PARD3B: variants seen among roughly 807,000 people sequenced by gnomAD.
The protein encoded by PARD3B is par-3 family cell polarity regulator beta, also known as partitioning defective 3 homolog B.
A neutral mutation model predicts 130.2 loss-of-function variants in PARD3B; 103 were observed. The observed-to-expected ratio is 0.79, with a 90% CI of 0.67 to 0.93. The LOEUF is 0.93. Ranked by LOEUF, PARD3B falls within the 40% of genes least tolerant of loss-of-function variation. PARD3B has a pLI of 0.00. For synonymous variants in PARD3B, 583 were observed against 553.2 expected (o/e 1.05, Z -0.76); for missense variants, 1,609 against 1,499.2 (o/e 1.07, Z -1.21).
At chr2:205,177,964 T>G (rs1218367481) in intron 13 of PARD3B, among the ~76,000 whole-genome samples, 1 of 151,630 alleles carries the variant, frequency 6.6e-6, no homozygotes, top group Non-Finnish European at 1.5e-5. Flanking sequence ...CTTATATTGG[T>G]CTATTGAAAC....
intron 18 of PARD3B, among the ~76,000 whole-genome samples, chr2:205,369,882 A>G (rs550501997): frequency 4.7e-4 from 71 of 152,174 alleles, no homozygotes; most frequent in Non-Finnish European, 9.0e-4. Context: ...TAAAATAGAG[A>G]TTATATGCTT....
At chr2:205,339,657 A>G (rs552706685) in intron 18 of PARD3B, among the ~76,000 whole-genome samples, 1 of 152,328 alleles carries the variant, frequency 6.6e-6, no homozygotes, top group East Asian at 1.9e-4. Flanking sequence ...TAAAGTAAGC[A>G]TAGATGGAGT....
chr2:205,410,462 A>G (rs1002483529), intron 19 of PARD3B, among the ~76,000 whole-genome samples: 1 of 152,094 alleles, frequency 6.6e-6, no homozygotes, highest in African/African-American at 2.4e-5. Context: ...ATGTATTCTT[A>G]TAGTTTCTAT....
At chr2:205,145,302 C>T (rs1443322253) in intron 10 of PARD3B, among the ~76,000 whole-genome samples, 2 of 148,876 alleles carry the variant, frequency 1.3e-5, no homozygotes, top group Non-Finnish European at 3.0e-5. Context: ...ACAGAAACTT[C>T]CCAATCCAAC....
At chr2:204,702,574 A>G (rs1258326403) in intron 2 of PARD3B, among the ~76,000 whole-genome samples, 1 of 151,690 alleles carries the variant, frequency 6.6e-6, no homozygotes, top group Non-Finnish European at 1.5e-5. Context: ...GCCTATTTTT[A>G]TTTTATTTTT....
At chr2:205,462,538 T>C (rs1329915638) in intron 20 of PARD3B, among the ~76,000 whole-genome samples, 1 of 152,172 alleles carries the variant, frequency 6.6e-6, no homozygotes, top group Non-Finnish European at 1.5e-5. Context: ...GTTCACATTG[T>C]GATTTTGAAA....
intron 16 of PARD3B, among the ~76,000 whole-genome samples, chr2:205,275,735 G>A (rs2040918180): frequency 6.6e-6 from 1 of 151,006 alleles, no homozygotes; most frequent in Non-Finnish European, 1.5e-5. Flanking sequence ...TACTCGGGAG[G>A]CTGAGGCAAG....
intron 21 of PARD3B, among the ~76,000 whole-genome samples, chr2:205,538,315 G>A (rs17638935): frequency 0.028 from 4,193 of 152,264 alleles, 145 homozygotes; most frequent in South Asian, 0.13. Context: ...TTGAACCAAC[G>A]TAAGGAAATG....
At chr2:204,591,881 T>C (rs1449401834) in intron 1 of PARD3B, among the ~76,000 whole-genome samples, 1 of 152,256 alleles carries the variant, frequency 6.6e-6, no homozygotes, top group Non-Finnish European at 1.5e-5. Context: ...TTATAGATAA[T>C]GTGTCTTATG....
At chr2:204,614,320 T>A (rs910001379) in intron 1 of PARD3B, among the ~76,000 whole-genome samples, 19 of 151,368 alleles carry the variant, frequency 1.3e-4, no homozygotes, top group Admixed American at 4.6e-4. Flanking sequence ...TACATTTTTT[T>A]ATACTGTCTT....
At chr2:204,892,229 C>A (rs1382678767) in intron 2 of PARD3B, among the ~76,000 whole-genome samples, 3 of 152,102 alleles carry the variant, frequency 2.0e-5, no homozygotes, top group African/African-American at 7.2e-5. Context: ...TGTGCTTAGG[C>A]TCTTCCAGCA....
rs977813421 is a variant in PARD3B, at chr2:205,105,005, G to A, written c.593+491G>A. 6.6e-6 allele frequency among the ~76,000 whole-genome samples: 1 copy of A among 152,130 alleles called. No homozygotes were observed. The highest frequency in any genetic ancestry group is 2.4e-5 in the African/African-American group (1 of 41,432). On this transcript the variant is annotated intron_variant, in intron 5 of 22. Coordinates refer to ENST00000406610, the MANE Select transcript of PARD3B (RefSeq NM_001302769.2). This position sits in a 1 kb window ranked among gnomAD's most constrained non-coding sequence, Gnocchi z 4.0. ...CAGGGTTTTTCATGTTCTTAATGAA[G>A]GCAACTCATTTGCTGTCAGTGGCTG...
chr2:205,176,389 T>G lies in PARD3B; in HGVS notation c.1792-56T>G. On this transcript the variant is annotated intron_variant, in intron 12 of 22. Transcript: ENST00000406610. This position sits in a 1 kb window ranked among gnomAD's most constrained non-coding sequence, Gnocchi z 5.3. ...GATCATTCTTTCACTTTGCTTCAAC[T>G]GACCAAGTTGGAACATATTAAAAAT... 1 of 1,498,856 alleles carries G rather than the reference T, an allele frequency of 6.7e-7. No individual in the cohort carries two copies. The highest frequency in any genetic ancestry group is 9.0e-7 in the Non-Finnish European group (1 of 1,109,236). The allele number at this position is 1,498,856 out of a possible 1,614,324, so 92.8% of individuals were successfully genotyped here.
At chr2:204,737,340 T>C (rs1292645078) in intron 2 of PARD3B, among the ~76,000 whole-genome samples, 1 of 152,134 alleles carries the variant, frequency 6.6e-6, no homozygotes, top group Non-Finnish European at 1.5e-5. Flanking sequence ...TCCCTGATGG[T>C]TAGTGATGTT....
At chr2:205,226,430 C>T (rs1444038659) in intron 15 of PARD3B, among the ~76,000 whole-genome samples, 2 of 152,112 alleles carry the variant, frequency 1.3e-5, no homozygotes, top group South Asian at 2.1e-4. Context: ...AAATCGTTGC[C>T]GAGTCTAATG....
At chr2:205,210,268 C>G (rs1045211512) in intron 15 of PARD3B, among the ~76,000 whole-genome samples, 1 of 151,766 alleles carries the variant, frequency 6.6e-6, no homozygotes. Context: ...CAGCTTTAGT[C>G]TTACATATTT....
chr2:204,650,020 C>T (rs546300605), intron 1 of PARD3B, among the ~76,000 whole-genome samples: 1 of 152,064 alleles, frequency 6.6e-6, no homozygotes, highest in South Asian at 2.1e-4. Flanking sequence ...ATGCATCTGA[C>T]AAAGGGCTAA....
chr2:205,109,741 C>T (rs1299985369), intron 5 of PARD3B, among the ~76,000 whole-genome samples: 1 of 150,788 alleles, frequency 6.6e-6, no homozygotes, highest in Non-Finnish European at 1.5e-5. Flanking sequence ...GCAACCTCTG[C>T]CTCCTGGGTT....
chr2:205,471,827 C>A (rs1463086526), intron 20 of PARD3B, among the ~76,000 whole-genome samples: 2 of 152,146 alleles, frequency 1.3e-5, no homozygotes. Flanking sequence ...CAGATAATTT[C>A]TGCAATAACA....
Sources: allele counts gnomAD v4.1 joint callset (sites outside exome capture counted in the v4.1 genomes callset), GRCh38; gene constraint gnomAD v4.1.1; non-coding constraint Gnocchi (gnomAD v3.1); transcripts MANE v1.5; gene names NCBI Gene and HGNC (gene_info 2026-07-23, HGNC 2026-07-21).